The following FBXO28 variants were observed in gnomAD, a reference collection of about 807,000 sequenced individuals.
FBXO28 encodes the protein F-box only protein 28.
Under a neutral mutation model 38.1 loss-of-function variants are expected in FBXO28, and 8 were observed. The ratio of observed to expected loss-of-function variants is 0.21; its 90% CI spans 0.12 to 0.38. FBXO28 has a LOEUF of 0.38. Ranked by LOEUF, FBXO28 falls within the 10% of genes least tolerant of loss-of-function variation. The probability of loss-of-function intolerance (pLI) is 1.00; values close to 1 mark genes in which losing one functional copy is unlikely to be tolerated. For missense variants in FBXO28, 345 were observed against 460.6 expected (o/e 0.75, Z 2.30); for synonymous variants, 168 against 173.8 (o/e 0.97, Z 0.26).
In FBXO28 at chr1:224,157,802, A is replaced by G; in HGVS notation, c.*56A>G. 1.3e-6 allele frequency: 2 copies of G among 1,534,958 alleles called. No individual in the cohort carries two copies. Among genetic ancestry groups the G allele is most frequent in the Non-Finnish European group, 1.7e-6 (2 of 1,146,628 alleles). ...ACACAGCTTAGTAGCTTAAGCAGTT[A>G]TGCATATCAGGATACTGTGAGCAAC... On this transcript the variant is annotated 3_prime_UTR_variant, in exon 5 of 5. Coordinates refer to ENST00000366862, the MANE Select transcript of FBXO28 (RefSeq NM_015176.4).
At chr1:224,138,274 C>T (rs184979859) in intron 3 of FBXO28, among the ~76,000 whole-genome samples, 2 of 151,712 alleles carry the variant, frequency 1.3e-5, no homozygotes, top group African/African-American at 2.4e-5. Context: ...TTATCTAGGA[C>T]AGGAATCAGC....
At position 224,157,454 on chromosome 1, in the gene FBXO28, G is replaced by T. The variant is rs1657798702; in HGVS notation, c.815G>T (p.Gly272Val). ...TKLQQQVKTN[G>V]AGVTVLRREI... ...CTCCAGCAGCAGGTTAAAACAAATG[G>T]TGCTGGCGTGACTGTTCTCAGGCGT... Residue 272 changes from glycine (G) to valine (V), a missense_variant, in exon 5 of 5, where the codon GGT becomes GTT. Coordinates refer to ENST00000366862, the MANE Select transcript of FBXO28 (RefSeq NM_015176.4). 1 of 1,614,098 alleles carries T rather than the reference G, an allele frequency of 6.2e-7. No individual in the cohort carries two copies. The highest frequency in any genetic ancestry group is 8.5e-7 in the Non-Finnish European group (1 of 1,180,062).
chr1:224,115,319 G>C (rs1656620585), intron 1 of FBXO28, among the ~76,000 whole-genome samples: 1 of 152,186 alleles, frequency 6.6e-6, no homozygotes, highest in Non-Finnish European at 1.5e-5. Flanking sequence ...AATTGAAGGA[G>C]GTGGACATTT....
In FBXO28 at chr1:224,138,288, C is replaced by T. The variant is rs188551779; in HGVS notation, c.516+4076C>T. The stretch of plus-strand genomic sequence containing the variant: ...ATTATCTAGGACAGGAATCAGCAAA[C>T]TTTTTTTGGTAAAAGGCCAGTTTAT... On this transcript the variant is annotated intron_variant, in intron 3 of 4. Transcript: ENST00000366862. Among the ~76,000 whole-genome samples the T allele has an allele frequency of 4.6e-3, 703 of 151,792 alleles. 26 individuals are homozygous for T. The highest frequency in any genetic ancestry group is 0.016 in the African/African-American group (663 of 41,166).
At chr1:224,135,207 G>T (rs951213578) in intron 3 of FBXO28, among the ~76,000 whole-genome samples, 1 of 152,172 alleles carries the variant, frequency 6.6e-6, no homozygotes, top group Non-Finnish European at 1.5e-5. Flanking sequence ...AAACTTCAGA[G>T]TGATTCTTAT....
chr1:224,133,256 T>C (rs929800357), intron 2 of FBXO28, among the ~76,000 whole-genome samples: 1 of 152,174 alleles, frequency 6.6e-6, no homozygotes, highest in African/African-American at 2.4e-5. Flanking sequence ...GTTAATTTTG[T>C]GGTAATGAAA....
In FBXO28 at chr1:224,114,293, C is replaced by T; in HGVS notation, c.164C>T (p.Pro55Leu). 6.4e-7 allele frequency: 1 copy of T among 1,561,164 alleles called. No homozygotes were observed. The highest frequency in any genetic ancestry group is 8.7e-7 in the Non-Finnish European group (1 of 1,152,706). The change falls in exon 1 of 5, where the codon CCG becomes CTG. Residue 55 changes from proline to leucine, a missense_variant. Physicochemically the swap from Pro to Leu is moderately conservative, Grantham distance 98. Around this residue, in one of 6 missense-constraint regions of FBXO28, gnomAD observed 104 missense variants for 82.0 expected, o/e 1.27. Coordinates refer to ENST00000366862, the MANE Select transcript of FBXO28 (RefSeq NM_015176.4). The stretch of plus-strand genomic sequence containing the variant: ...GCGCTCCCAGCCCCCGCGCTGGCTC[C>T]GGACCAGCTGCCTCAAAACAACACG... Reference protein sequence around the residue: ...SQALPAPALAPDQLPQNNTLV... With the variant: ...SQALPAPALALDQLPQNNTLV...
intron 1 of FBXO28, among the ~76,000 whole-genome samples, chr1:224,122,824 T>C (rs1262552372): frequency 6.6e-6 from 1 of 152,214 alleles, no homozygotes; most frequent in Non-Finnish European, 1.5e-5. Flanking sequence ...TTAATGTCCT[T>C]AAAAATCCCT....
intron 3 of FBXO28, 89 bp from the exon 4 acceptor site, chr1:224,153,053 A>G (rs546369851): frequency 8.1e-5 from 84 of 1,034,544 alleles, no homozygotes; most frequent in Non-Finnish European, 1.1e-4. Context: ...CTGGAATTGC[A>G]AAACAAGCAG....
chr1:224,155,576 C>G (rs1657754954), intron 4 of FBXO28, among the ~76,000 whole-genome samples: 1 of 152,176 alleles, frequency 6.6e-6, no homozygotes, highest in African/African-American at 2.4e-5. Flanking sequence ...GTGCCTTTAT[C>G]TACTGAAAGA....
rs1657884768 is a variant in FBXO28 at position 224,160,623 on chromosome 1, A to G, written c.*2877A>G. On this transcript the variant is annotated 3_prime_UTR_variant, in exon 5 of 5. Transcript: ENST00000366862. ...TCAAACTCCTGTACAGAGCCTGGAA[A>G]TAATGGAGCAAACGCAAATGTATTG... 2 of 152,206 alleles carry G rather than the reference A, an allele frequency of 1.3e-5. No homozygotes were observed. The highest frequency in any genetic ancestry group is 6.5e-5 in the Admixed American group (1 of 15,272). 9.4% of individuals were successfully genotyped at this position (152,206 alleles called of 1,614,324 possible).
chr1:224,139,760 G>A (rs61827702), intron 3 of FBXO28, among the ~76,000 whole-genome samples: 1 of 16,122 alleles, frequency 6.2e-5, no homozygotes, highest in Non-Finnish European at 1.8e-4. Flanking sequence ...ATACATGCAT[G>A]CATGCATACA....
intron 3 of FBXO28, among the ~76,000 whole-genome samples, chr1:224,152,070 G>C (rs1442501411): frequency 6.6e-6 from 1 of 151,518 alleles, no homozygotes; most frequent in East Asian, 1.9e-4. Context: ...TTTATCTTCA[G>C]GTCTATTCTG....
In FBXO28 at chr1:224,150,277, C is replaced by T. The variant is rs372454136; in HGVS notation, c.517-2865C>T. Reference sequence around the variant, plus strand: ...AGGTGGAGGTTACAGTGAACCAATACCATGTCATTTCCAGCCTGGGCAACA... The same window carrying T: ...AGGTGGAGGTTACAGTGAACCAATATCATGTCATTTCCAGCCTGGGCAACA... On this transcript the variant is annotated intron_variant, in intron 3 of 4. Coordinates refer to ENST00000366862, the MANE Select transcript of FBXO28 (RefSeq NM_015176.4). Among the ~76,000 whole-genome samples, 31 of 152,160 alleles carry T rather than the reference C, an allele frequency of 2.0e-4. No individual in the cohort carries two copies. The East Asian group carries it at 3.3e-3, about 16-fold the overall frequency.
chr1:224,140,728 T>A (rs1657323286), intron 3 of FBXO28, among the ~76,000 whole-genome samples: 1 of 151,208 alleles, frequency 6.6e-6, no homozygotes, highest in Admixed American at 6.6e-5. Flanking sequence ...GCGGATCACC[T>A]GAGGTCAAGA....
intron 3 of FBXO28, among the ~76,000 whole-genome samples, chr1:224,149,975 G>A (rs1281530406): frequency 6.6e-6 from 1 of 152,236 alleles, no homozygotes; most frequent in Non-Finnish European, 1.5e-5. Context: ...TCAAAGGGCT[G>A]ATGGCCAGTT....
At chr1:224,119,126 CTTTTTTTTCTTT>C (rs1656712111) in intron 1 of FBXO28, among the ~76,000 whole-genome samples, 1 of 56,504 alleles carries the variant, frequency 1.8e-5, no homozygotes. Flanking sequence ...CTGATTTTTT[CTTTTTTTTCTTT>C]TTTTTTTTTT....
chr1:224,120,359 T>C (rs1174115475), intron 1 of FBXO28, among the ~76,000 whole-genome samples: 1 of 152,252 alleles, frequency 6.6e-6, no homozygotes, highest in Non-Finnish European at 1.5e-5. Flanking sequence ...ATATACCTCA[T>C]TCTATAATTC....
intron 1 of FBXO28, among the ~76,000 whole-genome samples, chr1:224,126,120 C>T (rs1035016709): frequency 6.6e-6 from 1 of 152,184 alleles, no homozygotes; most frequent in African/African-American, 2.4e-5. Context: ...CCCTCTCCTC[C>T]TTCAAAGCCT....
Sources: gnomAD v4.1 joint callset for allele counts (sites outside exome capture counted in the v4.1 genomes callset) on GRCh38, gnomAD v4.1.1 for gene constraint, gnomAD v4.1.1 regional missense constraint, MANE v1.5 for transcripts, NCBI Gene and HGNC (gene_info 2026-07-23, HGNC 2026-07-21) for gene names.